The following PCAT7 variants were observed in gnomAD, a reference collection of about 807,000 sequenced individuals.
The protein encoded by PCAT7 is prostate cancer associated transcript 7 (non-protein coding).
chr9:94,555,134 T>G (rs1288852936), exon 1 of PCAT7: 3 of 152,192 alleles, frequency 2.0e-5, no homozygotes, highest in Admixed American at 1.3e-4. Flanking sequence ...TGTTGTTTTT[T>G]TTGTTTTTGT....
chr9:94,559,823 C>T (rs1001493197), intron 2 of PCAT7, among the ~76,000 whole-genome samples: 1 of 152,144 alleles, frequency 6.6e-6, no homozygotes, highest in African/African-American at 2.4e-5. Context: ...ACTGTACTAT[C>T]TGTATTCTCA....
chr9:94,571,420 A>G (rs1003247586), intron 2 of PCAT7: 2 of 1,548,342 alleles, frequency 1.3e-6, no homozygotes, highest in Non-Finnish European at 1.7e-6. Context: ...ACAGAGGCCC[A>G]TGGAGTCCCC....
At chr9:94,571,390 C>A in intron 2 of PCAT7, 1 of 1,420,450 alleles carries the variant, frequency 7.0e-7, no homozygotes, top group East Asian at 2.4e-5. Context: ...GACATTATCG[C>A]AGAGAACTGG....
intron 2 of PCAT7, chr9:94,563,233 C>G: frequency 7.8e-7 from 1 of 1,278,516 alleles, no homozygotes. Flanking sequence ...TGCCCATCCC[C>G]ACACAGACAT....
At chr9:94,559,078 C>G (rs1189010007) in exon 2 of PCAT7, 1 of 1,614,128 alleles carries the variant, frequency 6.2e-7, no homozygotes, top group Non-Finnish European at 8.5e-7. Context: ...GTCGCCAAGC[C>G]TCCTGCCTGC....
At chr9:94,566,621 T>G (rs1827193495) in intron 2 of PCAT7, among the ~76,000 whole-genome samples, 1 of 152,214 alleles carries the variant, frequency 6.6e-6, no homozygotes, top group South Asian at 2.1e-4. Flanking sequence ...TCTATATTTC[T>G]GTGTGTGTGT....
At chr9:94,571,182 A>G (rs1268278515) in intron 2 of PCAT7, among the ~76,000 whole-genome samples, 2 of 152,198 alleles carry the variant, frequency 1.3e-5, no homozygotes, top group African/African-American at 4.8e-5. Context: ...CATAAGCCAA[A>G]GAGATTGAGT....
chr9:94,558,820 T>C (rs1164303775), intron 1 of PCAT7: 8 of 923,332 alleles, frequency 8.7e-6, no homozygotes, highest in Non-Finnish European at 1.4e-5. Flanking sequence ...CTCTTCTGTA[T>C]GTGATTAAGT....
intron 3 of PCAT7, chr9:94,573,090 A>G (rs866239830): frequency 2.0e-5 from 3 of 152,184 alleles, no homozygotes. Flanking sequence ...TGTGCTGGCT[A>G]CAACTTTCAG....
chr9:94,560,742 AAT>A (rs972024724), intron 2 of PCAT7, among the ~76,000 whole-genome samples: 8 of 147,896 alleles, frequency 5.4e-5, no homozygotes, highest in Admixed American at 2.7e-4. Context: ...ATTTACATAT[AAT>A]ATGTTATATA....
At chr9:94,573,186 A>C (rs1827286215) in intron 3 of PCAT7, 1 of 152,212 alleles carries the variant, frequency 6.6e-6, no homozygotes, top group Admixed American at 6.5e-5. Context: ...GTCTTTCACC[A>C]TTAAATGTAA....
chr9:94,567,478 A>C, intron 2 of PCAT7: 18 of 1,565,140 alleles, frequency 1.2e-5, no homozygotes, highest in Admixed American at 1.7e-5. Context: ...CAATCCCCAC[A>C]TCAGAGCAGG....
At chr9:94,567,744 C>T (rs755637646) in intron 2 of PCAT7, 2 of 246,824 alleles carry the variant, frequency 8.1e-6, no homozygotes, top group Non-Finnish European at 1.6e-5. Context: ...CCCAAGTTCT[C>T]ACCCGCAGAT....
chr9:94,567,453 A>AC, intron 2 of PCAT7: 2 of 1,557,572 alleles, frequency 1.3e-6, no homozygotes, highest in East Asian at 4.7e-5. Context: ...GAAGCCAGGA[A>AC]ACAAGCCAAC....
intron 2 of PCAT7, chr9:94,571,344 C>G (rs1827266234): frequency 3.6e-6 from 4 of 1,108,488 alleles, no homozygotes; most frequent in Middle Eastern, 3.2e-4. Context: ...GCTCTCAGGA[C>G]CCCTGGTCCC....
chr9:94,555,968 C>G (rs1378577602), intron 1 of PCAT7, among the ~76,000 whole-genome samples: 2 of 133,956 alleles, frequency 1.5e-5, no homozygotes, highest in African/African-American at 2.9e-5. Flanking sequence ...CAGGGGCAGA[C>G]TTTGTGAAAA....
intron 2 of PCAT7, chr9:94,570,074 A>C (rs942735202): frequency 6.6e-6 from 1 of 152,196 alleles, no homozygotes; most frequent in Non-Finnish European, 1.5e-5. Flanking sequence ...GAAAGATGCT[A>C]TGGTTCATCT....
At chr9:94,568,446 A>G (rs979328734) in intron 2 of PCAT7, 3 of 152,174 alleles carry the variant, frequency 2.0e-5, no homozygotes, top group Admixed American at 6.5e-5. Flanking sequence ...TGTGGCAGAT[A>G]CCACCTTAAA....
At chr9:94,569,484 C>G (rs541981968) in intron 2 of PCAT7, 1 of 152,392 alleles carries the variant, frequency 6.6e-6, no homozygotes, top group South Asian at 2.1e-4. Flanking sequence ...TGAACAGAGG[C>G]GCTCATTCTG....
Sources: gnomAD v4.1 joint callset for allele counts (sites outside exome capture counted in the v4.1 genomes callset) on GRCh38, gnomAD v4.1.1 for gene constraint, MANE v1.5 for transcripts, NCBI Gene and HGNC (gene_info 2026-07-23, HGNC 2026-07-21) for gene names.